Variants in B3GALT1 observed in about 807,000 individuals in gnomAD.
B3GALT1 encodes beta-1,3-galactosyltransferase 1, also known as UDP-Gal:betaGlcNAc beta 1,3-galactosyltransferase, polypeptide 1.
B3GALT1 carries 10 observed loss-of-function variants against 23.2 expected under a neutral mutation model. The ratio of observed to expected loss-of-function variants is 0.43; its 90% CI spans 0.27 to 0.73. The LOEUF is 0.73. Among genes scored for constraint, B3GALT1 ranks in the 30% least tolerant of loss-of-function variants. B3GALT1 has a pLI of 0.21. For synonymous variants in B3GALT1, 156 were observed against 141.5 expected (o/e 1.10, Z -0.73); for missense variants, 299 against 405.4 (o/e 0.74, Z 2.25).
intron 1 of B3GALT1, among the ~76,000 whole-genome samples, chr2:167,386,118 C>T (rs931999034): frequency 6.6e-6 from 1 of 152,084 alleles, no homozygotes; most frequent in Non-Finnish European, 1.5e-5. Flanking sequence ...CTGACATAGA[C>T]GAGACTTGAG....
intron 2 of B3GALT1, among the ~76,000 whole-genome samples, chr2:167,589,117 A>G (rs1684630257): frequency 6.6e-6 from 1 of 151,904 alleles, no homozygotes; most frequent in South Asian, 2.1e-4. Context: ...ATCTTTTAAA[A>G]TTATTTTTTG....
rs1285786645 is a variant in B3GALT1 at position 167,699,378 on chromosome 2, C to CTTTTTT, written c.-352+52413_-352+52414insTTTTTT. 1.6e-3 allele frequency among the ~76,000 whole-genome samples: 129 copies of CTTTTTT among 78,572 alleles called. 3 individuals carry two copies. The highest frequency in any genetic ancestry group is 4.6e-3 in the East Asian group (11 of 2,382). The allele number at this position is 78,572 out of a possible 152,430, so 51.5% of individuals were successfully genotyped here. ...TTGGGGGAGTTTTTTGCCATTATTTCTATTTTTTTTTTTTTTTTTTTTTTT... is the reference window on the plus strand; with the variant it reads ...TTGGGGGAGTTTTTTGCCATTATTTCTTTTTTTATTTTTTTTTTTTTTTTTTTTTTT... On this transcript the variant is annotated intron_variant, in intron 3 of 4. Coordinates refer to ENST00000392690, the MANE Select transcript of B3GALT1 (RefSeq NM_020981.4).
intron 1 of B3GALT1, among the ~76,000 whole-genome samples, chr2:167,330,535 AG>A (rs1302622064): frequency 6.6e-6 from 1 of 152,178 alleles, no homozygotes; most frequent in African/African-American, 2.4e-5. Flanking sequence ...ACCTGAGCCC[AG>A]GAGGTTGAGG....
rs1690362190 is a variant in B3GALT1, at chr2:167,872,119, G to A, written c.*2099G>A. The stretch of plus-strand genomic sequence containing the variant: ...GGGTTTCACCGTGTTAGCCAGGATG[G>A]TCTCGATCTCCTGACCTCGTGATCC... On this transcript the variant is annotated 3_prime_UTR_variant, in exon 5 of 5. Transcript: ENST00000392690. 1.3e-5 allele frequency: 2 copies of A among 151,492 alleles called. No homozygotes were observed. Among genetic ancestry groups the A allele is most frequent in the Non-Finnish European group, 2.9e-5 (2 of 67,854 alleles). The allele number at this position is 151,492 out of a possible 1,614,324, so 9.4% of individuals were successfully genotyped here.
chr2:167,622,909 G>C (rs1301493618), intron 2 of B3GALT1, among the ~76,000 whole-genome samples: 2 of 152,014 alleles, frequency 1.3e-5, no homozygotes, highest in Non-Finnish European at 1.5e-5. Context: ...AATGACTATG[G>C]AGTGTGAACT....
At chr2:167,838,008 C>T (rs1689526528) in intron 4 of B3GALT1, among the ~76,000 whole-genome samples, 1 of 151,470 alleles carries the variant, frequency 6.6e-6, no homozygotes, top group Admixed American at 6.6e-5. Flanking sequence ...ACCAGAATCT[C>T]TGGGACACAT....
intron 1 of B3GALT1, among the ~76,000 whole-genome samples, chr2:167,319,335 C>T (rs1037922087): frequency 5.9e-5 from 9 of 152,196 alleles, no homozygotes; most frequent in Admixed American, 2.0e-4. Flanking sequence ...CAATTTTCTT[C>T]TCTGATAGCT....
intron 4 of B3GALT1, among the ~76,000 whole-genome samples, chr2:167,837,198 A>C (rs368668037): frequency 6.6e-6 from 1 of 151,976 alleles, no homozygotes; most frequent in Non-Finnish European, 1.5e-5. Context: ...AAATGTAAAT[A>C]GACTAAATGC....
intron 4 of B3GALT1, among the ~76,000 whole-genome samples, chr2:167,839,561 C>G (rs1485805545): frequency 1.3e-5 from 2 of 152,278 alleles, no homozygotes; most frequent in Non-Finnish European, 2.9e-5. Flanking sequence ...ATTCCATGCT[C>G]ATGGATAGGA....
At chr2:167,530,387 C>G (rs1464331447) in intron 2 of B3GALT1, among the ~76,000 whole-genome samples, 1 of 152,140 alleles carries the variant, frequency 6.6e-6, no homozygotes, top group Admixed American at 6.6e-5. Context: ...CTATAACTCC[C>G]TTGCTCCTAA....
At chr2:167,523,421 T>C (rs942258167) in intron 2 of B3GALT1, among the ~76,000 whole-genome samples, 2 of 133,868 alleles carry the variant, frequency 1.5e-5, no homozygotes, top group Non-Finnish European at 3.1e-5. Flanking sequence ...GTTTCTTGTG[T>C]ATCCCTTTTT....
chr2:167,386,140 G>A (rs1423146180), intron 1 of B3GALT1, among the ~76,000 whole-genome samples: 1 of 152,132 alleles, frequency 6.6e-6, no homozygotes, highest in Non-Finnish European at 1.5e-5. Context: ...TTGATACACA[G>A]TAGGAACTCT....
intron 2 of B3GALT1, among the ~76,000 whole-genome samples, chr2:167,600,443 C>T (rs1009678878): frequency 5.9e-5 from 9 of 152,174 alleles, no homozygotes; most frequent in Admixed American, 2.0e-4. Flanking sequence ...ACCTGTTCAC[C>T]GAGTTGTACA....
intron 4 of B3GALT1, among the ~76,000 whole-genome samples, chr2:167,825,437 GGTGTGTGTGTGTGTGTGTGCGTGCAC>G (rs1163721007): frequency 1.9e-3 from 276 of 144,564 alleles, no homozygotes; most frequent in Non-Finnish European, 3.3e-3. Context: ...TATATGCAGG[GGTGTGTGTGTGTGTGTGTGCGTGCAC>G]GTGTGTGTGT....
At chr2:167,465,592 T>A (rs2105327909) in intron 1 of B3GALT1, among the ~76,000 whole-genome samples, 1 of 152,320 alleles carries the variant, frequency 6.6e-6, no homozygotes, top group South Asian at 2.1e-4. Flanking sequence ...TCCACCCTCA[T>A]GACTTAATAA....
chr2:167,326,484 A>C (rs917730623), intron 1 of B3GALT1, among the ~76,000 whole-genome samples: 1 of 151,448 alleles, frequency 6.6e-6, no homozygotes, highest in African/African-American at 2.4e-5. Context: ...TCATTTTGAG[A>C]TCTTAAAGAT....
chr2:167,867,871 G>A (rs1259255151), intron 4 of B3GALT1, among the ~76,000 whole-genome samples: 1 of 152,194 alleles, frequency 6.6e-6, no homozygotes, highest in African/African-American at 2.4e-5. Context: ...TAGAAAGAAT[G>A]AGAGTTCCAG....
intron 2 of B3GALT1, among the ~76,000 whole-genome samples, chr2:167,520,525 A>G (rs1171495056): frequency 6.6e-6 from 1 of 152,140 alleles, no homozygotes; most frequent in African/African-American, 2.4e-5. Context: ...CAAAACACTC[A>G]TAATATGCAG....
intron 1 of B3GALT1, among the ~76,000 whole-genome samples, chr2:167,393,111 G>A (rs1327064507): frequency 6.6e-6 from 1 of 152,054 alleles, no homozygotes; most frequent in Non-Finnish European, 1.5e-5. Flanking sequence ...GTGGGTGCCT[G>A]TAGTCCCAGC....
Sources: gnomAD v4.1 joint callset for allele counts (sites outside exome capture counted in the v4.1 genomes callset) on GRCh38, gnomAD v4.1.1 for gene constraint, MANE v1.5 for transcripts, NCBI Gene and HGNC (gene_info 2026-07-23, HGNC 2026-07-21) for gene names.